NXPE2: variants seen among roughly 807,000 people sequenced by gnomAD.
NXPE2 encodes the protein neurexophilin and PC-esterase domain family member 2, also known as NXPE family member 2.
NXPE2 carries 34 observed loss-of-function variants against 34.4 expected under a neutral mutation model. The ratio of observed to expected loss-of-function variants is 0.99; its 90% CI spans 0.75 to 1.31. The LOEUF (loss-of-function observed/expected upper bound fraction) is 1.31, where lower values mean the gene tolerates loss of function less well. NXPE2 is among the 40% of genes most tolerant of loss of function. NXPE2 has a pLI of 0.00. For synonymous variants in NXPE2, 235 were observed against 231.3 expected (o/e 1.02, Z -0.15); for missense variants, 649 against 672.5 (o/e 0.97, Z 0.39).
At chr11:114,579,240 G>A in the NXPE2 span, among the ~76,000 whole-genome samples, 2 of 152,104 alleles carry the variant, frequency 1.3e-5, no homozygotes, top group Non-Finnish European at 2.9e-5. Flanking sequence ...CTGACAGAGC[G>A]AGAACTCACT....
chr11:114,617,785 G>GATA, the NXPE2 span, among the ~76,000 whole-genome samples: 2 of 152,096 alleles, frequency 1.3e-5, no homozygotes, highest in Non-Finnish European at 2.9e-5. Context: ...TTGCCTTGTG[G>GATA]GTAAGCACGG....
chr11:114,549,838 C>G, the NXPE2 span, among the ~76,000 whole-genome samples: 2 of 151,806 alleles, frequency 1.3e-5, no homozygotes, highest in African/African-American at 4.8e-5. Flanking sequence ...CCCAAAGTAT[C>G]AATGGAGAAA....
chr11:114,685,698 A>G (rs1951033119), intron 2 of NXPE2, among the ~76,000 whole-genome samples: 1 of 152,136 alleles, frequency 6.6e-6, no homozygotes, highest in South Asian at 2.1e-4. Flanking sequence ...TGGGCCTCAC[A>G]TGAAATTGAG....
the NXPE2 span, among the ~76,000 whole-genome samples, chr11:114,747,834 T>A: frequency 5.3e-5 from 8 of 152,202 alleles, no homozygotes; most frequent in East Asian, 1.5e-3. Flanking sequence ...TGCGAAAAAA[T>A]TTATAGCCAC....
the NXPE2 span, among the ~76,000 whole-genome samples, chr11:114,498,343 TGA>T: frequency 3.9e-5 from 6 of 152,130 alleles, no homozygotes; most frequent in African/African-American, 1.4e-4. Flanking sequence ...GATAAATACT[TGA>T]GGTGATAGAG....
chr11:114,631,722 A>G, the NXPE2 span, among the ~76,000 whole-genome samples: 2 of 151,710 alleles, frequency 1.3e-5, no homozygotes, highest in African/African-American at 4.9e-5. Flanking sequence ...CCGGTGGGTA[A>G]TAAGTATTGC....
At chr11:114,582,249 A>G in the NXPE2 span, 14 of 1,525,446 alleles carry the variant, frequency 9.2e-6, no homozygotes, top group African/African-American at 1.4e-4. Flanking sequence ...CCAAATCACA[A>G]TATTTGCACA....
At chr11:114,531,026 C>A in the NXPE2 span, 7 of 1,072,704 alleles carry the variant, frequency 6.5e-6, no homozygotes, top group East Asian at 5.5e-5. Flanking sequence ...CAATTTGTTA[C>A]CAAATTGAAT....
the NXPE2 span, among the ~76,000 whole-genome samples, chr11:114,591,191 C>T: frequency 6.6e-6 from 1 of 152,216 alleles, no homozygotes; most frequent in Non-Finnish European, 1.5e-5. Flanking sequence ...TATCCAGGCA[C>T]AAGTGCTCAA....
the NXPE2 span, among the ~76,000 whole-genome samples, chr11:114,772,047 T>C: frequency 6.6e-6 from 1 of 152,126 alleles, no homozygotes; most frequent in Non-Finnish European, 1.5e-5. Context: ...TCGAAGACAG[T>C]GTTGATGTAA....
intron 3 of NXPE2, 106 bp from the exon 4 acceptor site, chr11:114,703,885 G>C (rs1951420201): frequency 1.4e-5 from 11 of 783,338 alleles, no homozygotes; most frequent in Non-Finnish European, 2.3e-5. Flanking sequence ...TCAAAATAAG[G>C]GGGGAAAGGC....
At chr11:114,757,976 G>A in the NXPE2 span, among the ~76,000 whole-genome samples, 1 of 152,188 alleles carries the variant, frequency 6.6e-6, no homozygotes, top group Non-Finnish European at 1.5e-5. Context: ...AAAATAGCAA[G>A]TAATGGTGAT....
chr11:114,535,507 G>C, the NXPE2 span, among the ~76,000 whole-genome samples: 1 of 152,222 alleles, frequency 6.6e-6, no homozygotes, highest in East Asian at 1.9e-4. Context: ...AAAGAGTCAA[G>C]ACCCATCAGT....
chr11:114,808,863 T>C, the NXPE2 span, among the ~76,000 whole-genome samples: 1 of 152,158 alleles, frequency 6.6e-6, no homozygotes, highest in South Asian at 2.1e-4. Flanking sequence ...AACATCCTGA[T>C]ACCAAAGCCT....
rs1479940276 is a variant in NXPE2 at position 114,706,565 on chromosome 11, G to T, written c.1315G>T (p.Ala439Ser). Residue 439 changes from alanine to serine, a missense_variant, in exon 6 of 6, where the codon GCA (alanine) becomes TCA (serine). By Grantham distance (99) the Ala-to-Ser change is moderately conservative (BLOSUM62 1). Coordinates refer to ENST00000389586, the MANE Select transcript of NXPE2 (RefSeq NM_182495.6). ...TATCCCACGGGAAATTGACCAGGTAGCAGGAGACAAAAACACAGCCATTGT... is the reference window on the plus strand; with the variant it reads ...TATCCCACGGGAAATTGACCAGGTATCAGGAGACAAAAACACAGCCATTGT... ...NYIPREIDQV[A>S]GDKNTAIVIT... 6.4e-7 allele frequency: 1 copy of T among 1,551,866 alleles called. No homozygotes were observed. The highest frequency in any genetic ancestry group is 1.4e-5 in the African/African-American group (1 of 73,132).
chr11:114,537,387 C>G, the NXPE2 span, among the ~76,000 whole-genome samples: 1 of 152,126 alleles, frequency 6.6e-6, no homozygotes, highest in Admixed American at 6.5e-5. Flanking sequence ...GGGATGCCCT[C>G]TATCAACACT....
the NXPE2 span, among the ~76,000 whole-genome samples, chr11:114,489,894 A>G: frequency 1.2e-4 from 18 of 152,324 alleles, no homozygotes; most frequent in Non-Finnish European, 2.1e-4. Flanking sequence ...AGGGCATTCA[A>G]TTAGGAAAAG....
intron 2 of NXPE2, among the ~76,000 whole-genome samples, chr11:114,690,411 T>TA (rs767793836): frequency 7.2e-5 from 11 of 151,842 alleles, no homozygotes; most frequent in Admixed American, 6.5e-5. Context: ...TTAAGAATGC[T>TA]AAAAATGGAA....
chr11:114,544,073 G>T, the NXPE2 span, among the ~76,000 whole-genome samples: 1 of 152,114 alleles, frequency 6.6e-6, no homozygotes, highest in African/African-American at 2.4e-5. Flanking sequence ...ATTAATGGAA[G>T]AAATTTTAAA....
Sources: allele counts gnomAD v4.1 joint callset (sites outside exome capture counted in the v4.1 genomes callset), GRCh38; gene constraint gnomAD v4.1.1; transcripts MANE v1.5; gene names NCBI Gene and HGNC (gene_info 2026-07-23, HGNC 2026-07-21).